The following STXBP6 variants were observed in gnomAD, a reference collection of about 807,000 sequenced individuals.
The protein encoded by STXBP6 is syntaxin binding protein 6.
In STXBP6, 21 loss-of-function variants were observed where a neutral mutation model predicts 26.9. The observed-to-expected ratio is 0.78, with a 90% confidence interval of 0.55 to 1.12. The LOEUF (loss-of-function observed/expected upper bound fraction) is 1.12, where lower values mean the gene tolerates loss of function less well. STXBP6 is among the 50% of genes most tolerant of loss of function. The pLI is 0.00. For synonymous variants in STXBP6, 97 were observed against 92.6 expected (o/e 1.05, Z -0.27); for missense variants, 232 against 257.9 (o/e 0.90, Z 0.69).
At chr14:24,935,893 CAG>C (rs762928774) in intron 2 of STXBP6, among the ~76,000 whole-genome samples, 15 of 152,194 alleles carry the variant, frequency 9.9e-5, no homozygotes, top group Non-Finnish European at 1.8e-4. Flanking sequence ...ACAGACCAGA[CAG>C]AGACAATTTG....
chr14:24,858,915 T>C (rs1209099707), intron 2 of STXBP6, among the ~76,000 whole-genome samples: 2 of 152,188 alleles, frequency 1.3e-5, no homozygotes, highest in Non-Finnish European at 2.9e-5. Flanking sequence ...AATTTCCTCC[T>C]GTGTTTATGT....
At chr14:24,814,987 T>C (rs947730685) in intron 5 of STXBP6, among the ~76,000 whole-genome samples, 1 of 152,216 alleles carries the variant, frequency 6.6e-6, no homozygotes, top group African/African-American at 2.4e-5. Flanking sequence ...CAGTTTATGG[T>C]ATTTTGTTAT....
chr14:24,924,514 GAGTA>G (rs1404351197), intron 2 of STXBP6, among the ~76,000 whole-genome samples: 1 of 152,106 alleles, frequency 6.6e-6, no homozygotes, highest in Non-Finnish European at 1.5e-5. Context: ...AATGCAAAGG[GAGTA>G]GTAAGGAAAA....
intron 2 of STXBP6, among the ~76,000 whole-genome samples, chr14:24,946,008 A>G (rs2072975445): frequency 6.6e-6 from 1 of 152,248 alleles, no homozygotes; most frequent in South Asian, 2.1e-4. Context: ...GGATCGAGAC[A>G]TACACCTTCT....
intron 2 of STXBP6, among the ~76,000 whole-genome samples, chr14:24,960,234 T>C (rs1445664614): frequency 2.0e-5 from 3 of 152,194 alleles, no homozygotes; most frequent in Admixed American, 2.0e-4. Flanking sequence ...TGCTCACTAC[T>C]GTGAGCAATT....
Position 24,970,850 on chromosome 14 carries a change from C to T in STXBP6, c.154+3815G>A, listed in dbSNP as rs76253547. On this transcript the variant is annotated intron_variant, in intron 2 of 5. Coordinates refer to ENST00000323944, the MANE Select transcript of STXBP6 (RefSeq NM_001394410.1). Reference sequence around the variant, plus strand: ...CAAAGTATGAGAGCTCAAATTGCTTCGCATGTTAACACTTGGTATTGTCAG... The same window carrying T: ...CAAAGTATGAGAGCTCAAATTGCTTTGCATGTTAACACTTGGTATTGTCAG... 4.1e-3 allele frequency among the ~76,000 whole-genome samples: 624 copies of T among 152,246 alleles called. 14 individuals carry two copies. In the East Asian group the frequency reaches 0.042, roughly 10 times the overall value.
rs1388117437 is a variant in STXBP6, at chr14:24,810,637, T to C, written c.*2072A>G. The C allele has an allele frequency of 6.6e-6, 1 of 152,222 alleles. No homozygotes were observed. Among genetic ancestry groups the C allele is most frequent in the African/African-American group, 2.4e-5 (1 of 41,460 alleles). 9.4% of individuals were successfully genotyped at this position (152,222 alleles called of 1,614,324 possible). On this transcript the variant is annotated 3_prime_UTR_variant, in exon 6 of 6. Coordinates refer to ENST00000323944, the MANE Select transcript of STXBP6 (RefSeq NM_001394410.1). ...TACTTATATTTATCAAGAGTAACTATTGTAATTCTACCAGGGAAGAAGAAT... is the reference window on the plus strand; with the variant it reads ...TACTTATATTTATCAAGAGTAACTACTGTAATTCTACCAGGGAAGAAGAAT...
At chr14:25,048,133 G>A (rs1344292487) in intron 1 of STXBP6, among the ~76,000 whole-genome samples, 1 of 152,216 alleles carries the variant, frequency 6.6e-6, no homozygotes, top group African/African-American at 2.4e-5. Context: ...GTGAGGAGTG[G>A]ACAGAGAGGA....
chr14:24,947,232 G>C (rs981348378), intron 2 of STXBP6, among the ~76,000 whole-genome samples: 1 of 137,212 alleles, frequency 7.3e-6, no homozygotes, highest in Non-Finnish European at 1.6e-5. Flanking sequence ...AAATAATTCA[G>C]TTTTCTGATT....
chr14:24,996,555 A>T lies in STXBP6; in HGVS notation c.-32-21705T>A, dbSNP rs189899832. ...CTTTGCTTCTCTCCTTAAAAAAAAT[A>T]AAAAATTAAAAATAAAATTAAAAAA... On this transcript the variant is annotated intron_variant, in intron 1 of 5. Coordinates refer to ENST00000323944, the MANE Select transcript of STXBP6 (RefSeq NM_001394410.1). Among the ~76,000 whole-genome samples, 809 of 151,090 alleles carry T rather than the reference A, an allele frequency of 5.4e-3. 10 individuals carry two copies. The highest frequency in any genetic ancestry group is 0.019 in the African/African-American group (778 of 40,628).
intron 1 of STXBP6, among the ~76,000 whole-genome samples, chr14:25,003,351 A>T (rs2074812176): frequency 6.6e-6 from 1 of 152,146 alleles, no homozygotes; most frequent in Admixed American, 6.5e-5. Context: ...ATTCTAAATC[A>T]CCATTCTTTT....
intron 2 of STXBP6, among the ~76,000 whole-genome samples, chr14:24,882,154 C>T (rs918160127): frequency 5.3e-5 from 8 of 151,380 alleles, no homozygotes; most frequent in Non-Finnish European, 7.4e-5. Context: ...CCGAGGCGGG[C>T]GGATCACGAG....
chr14:24,959,647 T>C (rs981680105), intron 2 of STXBP6, among the ~76,000 whole-genome samples: 2 of 152,220 alleles, frequency 1.3e-5, no homozygotes, highest in African/African-American at 4.8e-5. Flanking sequence ...CAAAAAGGGT[T>C]GGCATAGCAG....
chr14:24,831,517 C>T (rs919980219), intron 4 of STXBP6, among the ~76,000 whole-genome samples: 2 of 151,950 alleles, frequency 1.3e-5, no homozygotes, highest in Non-Finnish European at 1.5e-5. Context: ...AAAAGCTCAC[C>T]AAGGCTAAAT....
At chr14:24,860,364 T>C (rs2069492704) in intron 2 of STXBP6, among the ~76,000 whole-genome samples, 1 of 151,980 alleles carries the variant, frequency 6.6e-6, no homozygotes, top group African/African-American at 2.4e-5. Flanking sequence ...CAAAGACCAA[T>C]GAAGAAAGAC....
intron 2 of STXBP6, among the ~76,000 whole-genome samples, chr14:24,948,100 G>A (rs530785048): frequency 6.6e-6 from 1 of 152,146 alleles, no homozygotes; most frequent in Non-Finnish European, 1.5e-5. Flanking sequence ...GAAGATGGGA[G>A]TGAGAAAAGG....
intron 1 of STXBP6, among the ~76,000 whole-genome samples, chr14:24,984,035 C>A (rs1595251136): frequency 6.6e-6 from 1 of 152,248 alleles, no homozygotes; most frequent in African/African-American, 2.4e-5. Flanking sequence ...AGATCAAGAT[C>A]ATCCTGGCCA....
chr14:24,878,710 C>G lies in STXBP6; in HGVS notation c.155-21553G>C, dbSNP rs1364505748. The G allele has an allele frequency of 1.0e-5, 4 of 383,546 alleles. No individual in the cohort carries two copies. The East Asian group carries it at 3.1e-4, about 30-fold the overall frequency. The allele number at this position is 383,546 out of a possible 1,614,324, so 23.8% of individuals were successfully genotyped here. A position where few individuals can be genotyped will look rare whatever the true frequency, so the allele number is the denominator to read the frequency against. On this transcript the variant is annotated intron_variant, in intron 2 of 5. Transcript: ENST00000323944. ...CCTTTTCTTAAACTGAATTTCTTAG[C>G]AGACACGCTGGGATGTTCAACCATA...
chr14:24,811,946 G>C lies in STXBP6; in HGVS notation c.*763C>G, dbSNP rs1358742093. On this transcript the variant is annotated 3_prime_UTR_variant, in exon 6 of 6. Coordinates refer to ENST00000323944, the MANE Select transcript of STXBP6 (RefSeq NM_001394410.1). ...GAGAAACATCTGTGAGTACACAGAGGGTTTTAGGTAGGCTTTTCTTTAGGG... is the reference window on the plus strand; with the variant it reads ...GAGAAACATCTGTGAGTACACAGAGCGTTTTAGGTAGGCTTTTCTTTAGGG... 2.6e-5 allele frequency: 4 copies of C among 152,060 alleles called. No individual in the cohort carries two copies. Among genetic ancestry groups the C allele is most frequent in the African/African-American group, 9.7e-5 (4 of 41,410 alleles). 9.4% of individuals were successfully genotyped at this position (152,060 alleles called of 1,614,324 possible).
Sources: allele counts gnomAD v4.1 joint callset (sites outside exome capture counted in the v4.1 genomes callset), GRCh38; gene constraint gnomAD v4.1.1; transcripts MANE v1.5; gene names NCBI Gene and HGNC (gene_info 2026-07-23, HGNC 2026-07-21).